The following LTBP1 variants were observed in gnomAD, a reference collection of about 807,000 sequenced individuals.
LTBP1 encodes the protein latent transforming growth factor beta binding protein 1, also known as latent-transforming growth factor beta-binding protein 1.
LTBP1 carries 129 observed loss-of-function variants against 207.6 expected under a neutral mutation model. That is an observed-to-expected ratio of 0.62 (90% confidence interval 0.54 to 0.72). The LOEUF is 0.72. Ranked by LOEUF, LTBP1 falls within the 30% of genes least tolerant of loss-of-function variation. LTBP1 has a pLI of 0.00. For synonymous variants in LTBP1, 963 were observed against 833.7 expected (o/e 1.16, Z -2.67); for missense variants, 2,281 against 2,217.2 (o/e 1.03, Z -0.58).
At chr2:32,960,281 T>C (rs778345594) in intron 2 of LTBP1, among the ~76,000 whole-genome samples, 1 of 152,146 alleles carries the variant, frequency 6.6e-6, no homozygotes, top group African/African-American at 2.4e-5. Context: ...TCACATTGCA[T>C]CACAGACATT....
chr2:33,185,801 C>T (rs954499512), intron 5 of LTBP1, among the ~76,000 whole-genome samples: 1 of 152,052 alleles, frequency 6.6e-6, no homozygotes, highest in Admixed American at 6.6e-5. Flanking sequence ...TAGATTGTAG[C>T]GCATTGAGAA....
chr2:33,398,576 C>G lies in LTBP1; in HGVS notation c.*31C>G, dbSNP rs372213955. On this transcript the variant is annotated 3_prime_UTR_variant, in exon 34 of 34. Coordinates refer to ENST00000404816, the MANE Select transcript of LTBP1 (RefSeq NM_206943.4). ...AATCTACATAACCTAAGCCCATATACTCTGCACTGTGTAAAGGAAAAGGGA... is the reference window on the plus strand; with the variant it reads ...AATCTACATAACCTAAGCCCATATAGTCTGCACTGTGTAAAGGAAAAGGGA... 8 of 1,587,348 alleles carry G rather than the reference C, an allele frequency of 5.0e-6. No homozygotes were observed. Among genetic ancestry groups the G allele is most frequent in the Non-Finnish European group, 6.9e-6 (8 of 1,163,890 alleles).
At chr2:33,293,113 T>G in intron 19 of LTBP1, 47 bp from the exon 20 acceptor site, 1 of 1,587,612 alleles carries the variant, frequency 6.3e-7, no homozygotes, top group Non-Finnish European at 8.6e-7. Flanking sequence ...ATCCATGTTT[T>G]CTTTTTCTTC....
Position 33,021,213 on chromosome 2 carries a change from G to A in LTBP1, c.863+7G>A. The A allele has an allele frequency of 1.3e-6, 2 of 1,572,252 alleles. No homozygotes were observed. Among genetic ancestry groups the A allele is most frequent in the Non-Finnish European group, 1.7e-6 (2 of 1,153,808 alleles). ...CCCAGCAGATACATTCTCAGTGAGT[G>A]TTTCGAACTTTCATTTAGCTAAGGA... On this transcript the variant is annotated splice_region_variant and intron_variant, in intron 3 of 33. Transcript: ENST00000404816.
At chr2:33,191,184 A>G (rs2087830126) in intron 7 of LTBP1, among the ~76,000 whole-genome samples, 1 of 152,248 alleles carries the variant, frequency 6.6e-6, no homozygotes, top group Non-Finnish European at 1.5e-5. Context: ...CAAGAAAATG[A>G]GGCATAACAA....
intron 4 of LTBP1, among the ~76,000 whole-genome samples, chr2:33,122,175 C>A (rs1243151781): frequency 7.3e-6 from 1 of 136,742 alleles, no homozygotes; most frequent in African/African-American, 3.7e-5. Flanking sequence ...GCGGGAGCTT[C>A]GTTCGAGAGG....
intron 11 of LTBP1, among the ~76,000 whole-genome samples, chr2:33,255,898 A>G (rs2092835247): frequency 6.6e-6 from 1 of 152,142 alleles, no homozygotes; most frequent in African/African-American, 2.4e-5. Flanking sequence ...AGTTAACCAT[A>G]AGCTCCTTGG....
intron 3 of LTBP1, among the ~76,000 whole-genome samples, chr2:33,042,075 T>C (rs35316632): frequency 0.083 from 12,644 of 152,286 alleles, 738 homozygotes; most frequent in Non-Finnish European, 0.13. Context: ...GGGCTTTTAA[T>C]GTGAATTTTT....
chr2:33,313,849 A>T (rs1178713605), intron 23 of LTBP1, among the ~76,000 whole-genome samples: 4 of 152,232 alleles, frequency 2.6e-5, no homozygotes, highest in Non-Finnish European at 5.9e-5. Context: ...AGGAGCCATC[A>T]GTGTAATGAG....
chr2:33,222,245 C>G, intron 9 of LTBP1, 94 bp downstream of exon 9: 3 of 855,056 alleles, frequency 3.5e-6, no homozygotes, highest in Non-Finnish European at 6.0e-6. Context: ...ATTCGCCCAG[C>G]CTGTCACAGT....
At chr2:33,167,514 C>T (rs2085035296) in intron 5 of LTBP1, among the ~76,000 whole-genome samples, 1 of 152,206 alleles carries the variant, frequency 6.6e-6, no homozygotes, top group Admixed American at 6.5e-5. Flanking sequence ...AGATGTGAAC[C>T]CAGACAATTA....
chr2:33,222,889 C>G (rs1573274088), intron 9 of LTBP1, among the ~76,000 whole-genome samples: 1 of 152,096 alleles, frequency 6.6e-6, no homozygotes, highest in Non-Finnish European at 1.5e-5. Context: ...ATGGGAAGAC[C>G]AATGCTTCTA....
At chr2:33,370,804 A>G (rs1462627633) in intron 31 of LTBP1, among the ~76,000 whole-genome samples, 2 of 152,156 alleles carry the variant, frequency 1.3e-5, no homozygotes, top group Non-Finnish European at 2.9e-5. Context: ...TTGGGGAACA[A>G]TTCGTTACTG....
chr2:33,268,950 G>C (rs1353771491), intron 15 of LTBP1, among the ~76,000 whole-genome samples: 1 of 152,138 alleles, frequency 6.6e-6, no homozygotes, highest in African/African-American at 2.4e-5. Context: ...TTGCTCATCA[G>C]ATCTTTTCCA....
intron 19 of LTBP1, among the ~76,000 whole-genome samples, chr2:33,290,245 A>C (rs1215960015): frequency 6.6e-6 from 1 of 152,218 alleles, no homozygotes; most frequent in Non-Finnish European, 1.5e-5. Context: ...TCTTAAAAGC[A>C]CGACTTCCCT....
At chr2:33,045,795 A>T (rs368738665) in intron 3 of LTBP1, among the ~76,000 whole-genome samples, 2 of 152,142 alleles carry the variant, frequency 1.3e-5, no homozygotes, top group Non-Finnish European at 2.9e-5. Context: ...TTCCTTGAGC[A>T]GCGGTTTGTA....
At chr2:33,088,200 T>C (rs2078866956) in intron 3 of LTBP1, among the ~76,000 whole-genome samples, 1 of 152,224 alleles carries the variant, frequency 6.6e-6, no homozygotes, top group Non-Finnish European at 1.5e-5. Flanking sequence ...ACGCCTGTAA[T>C]CCCAGCACTT....
chr2:33,141,036 C>T (rs1023803161), intron 5 of LTBP1, among the ~76,000 whole-genome samples: 5 of 152,220 alleles, frequency 3.3e-5, no homozygotes, highest in African/African-American at 9.6e-5. Context: ...ATTCATTTAA[C>T]GTGCATTTAT....
intron 23 of LTBP1, among the ~76,000 whole-genome samples, chr2:33,312,189 G>A (rs1356378284): frequency 6.6e-6 from 1 of 152,172 alleles, no homozygotes; most frequent in African/African-American, 2.4e-5. Flanking sequence ...CTGTGGAGAG[G>A]TGTAGATTTC....
Sources: gnomAD v4.1 joint callset for allele counts (sites outside exome capture counted in the v4.1 genomes callset) on GRCh38, gnomAD v4.1.1 for gene constraint, MANE v1.5 for transcripts, NCBI Gene and HGNC (gene_info 2026-07-23, HGNC 2026-07-21) for gene names.